The following DNAH11 variants were observed in gnomAD, a reference collection of about 807,000 sequenced individuals.
The protein encoded by DNAH11 is dynein axonemal heavy chain 11, also known as axonemal beta dynein heavy chain 11.
Under a neutral mutation model 526.0 loss-of-function variants are expected in DNAH11, and 442 were observed. That is an observed-to-expected ratio of 0.84 (90% CI 0.78 to 0.91). The LOEUF (loss-of-function observed/expected upper bound fraction) is 0.91, where lower values mean the gene tolerates loss of function less well. Among genes scored for constraint, DNAH11 ranks in the 40% least tolerant of loss-of-function variants. The probability of loss-of-function intolerance (pLI) is 0.00; values close to 1 mark genes in which losing one functional copy is unlikely to be tolerated. For missense variants in DNAH11, 6,989 were observed against 5,448.7 expected (o/e 1.28, Z -8.90); for synonymous variants, 2,461 against 1,935.9 (o/e 1.27, Z -7.12).
In DNAH11 at chr7:21,588,555, C is replaced by A; in HGVS notation, c.1892C>A (p.Thr631Asn). The change falls in exon 11 of 82, where the codon ACC becomes AAC. Residue 631 changes from threonine (T) to asparagine (N), a missense_variant. Transcript: ENST00000409508. ...HVVLNKNMPF[T>N]SGNMKWAQQV... ...GTTCTTAACAAGAACATGCCATTTA[C>A]CTCAGGAAATATGAAATGGGCCCAG... 6.2e-7 allele frequency: 1 copy of A among 1,613,562 alleles called. No homozygotes were observed. The highest frequency in any genetic ancestry group is 8.5e-7 in the Non-Finnish European group (1 of 1,179,546).
intron 6 of DNAH11, 39 bp from the exon 7 acceptor site, chr7:21,570,030 A>T (rs753366837): frequency 6.9e-7 from 1 of 1,459,050 alleles, no homozygotes; most frequent in Middle Eastern, 1.8e-4. Context: ...AAACTGTTAA[A>T]CATAGTTTTG....
At chr7:21,632,291 G>A (rs377114442) in intron 25 of DNAH11, among the ~76,000 whole-genome samples, 7 of 152,312 alleles carry the variant, frequency 4.6e-5, no homozygotes, top group African/African-American at 1.7e-4. Flanking sequence ...GGTCTCTGAT[G>A]CCTTGGATAC....
chr7:21,811,203 G>A (rs35501019), intron 63 of DNAH11, among the ~76,000 whole-genome samples: 23,168 of 151,940 alleles, frequency 0.15, 1,849 homozygotes, highest in African/African-American at 0.2. Context: ...TGGCTAATGC[G>A]TGTAATCCCA....
intron 50 of DNAH11, 46 bp from the exon 51 acceptor site, chr7:21,744,824 C>A: frequency 6.4e-7 from 1 of 1,566,698 alleles, no homozygotes; most frequent in East Asian, 2.3e-5. Flanking sequence ...AGCTGGACCT[C>A]TATGGATGGT....
chr7:21,620,220 C>T, intron 25 of DNAH11, 142 bp downstream of exon 25: 1 of 740,020 alleles, frequency 1.4e-6, no homozygotes, highest in Non-Finnish European at 2.0e-6. Context: ...ATCTCATACA[C>T]TTAACATTTT....
chr7:21,894,228 G>A (rs1784427791), intron 77 of DNAH11, among the ~76,000 whole-genome samples: 1 of 152,190 alleles, frequency 6.6e-6, no homozygotes, highest in South Asian at 2.1e-4. Flanking sequence ...TTTTAATTTA[G>A]CAGATTATAA....
chr7:21,685,294 G>A (rs986943499), intron 32 of DNAH11, among the ~76,000 whole-genome samples: 3 of 152,172 alleles, frequency 2.0e-5, no homozygotes, highest in Admixed American at 6.5e-5. Flanking sequence ...CAATAGAGAA[G>A]GAGGAAAGGG....
intron 22 of DNAH11, among the ~76,000 whole-genome samples, chr7:21,617,202 C>A (rs759587682): frequency 6.6e-6 from 1 of 152,172 alleles, no homozygotes; most frequent in Non-Finnish European, 1.5e-5. Context: ...AAGAAACAGG[C>A]ACTCAAAGGT....
intron 20 of DNAH11, 128 bp from the exon 21 acceptor site, chr7:21,614,986 C>T (rs965121151): frequency 7.2e-6 from 8 of 1,117,386 alleles, no homozygotes; most frequent in South Asian, 6.9e-5. Flanking sequence ...AGTAATTACG[C>T]TGCAGATTTA....
In DNAH11 at chr7:21,585,606, G is replaced by T. The variant is rs139403030; in HGVS notation, c.1711-2458G>T. The stretch of plus-strand genomic sequence containing the variant: ...AACCAAAACCAAATACTACTGAATG[G>T]CTCTCTAAAATTTACATGAAGGTAA... On this transcript the variant is annotated intron_variant, in intron 9 of 81. Transcript: ENST00000409508. Among the ~76,000 whole-genome samples, 202 of 152,226 alleles carry T rather than the reference G, an allele frequency of 1.3e-3. 1 individual carries two copies. Among genetic ancestry groups the T allele is most frequent in the African/African-American group, 4.6e-3 (190 of 41,534 alleles).
At chr7:21,604,833 G>A (rs73682650) in intron 18 of DNAH11, among the ~76,000 whole-genome samples, 182 of 152,262 alleles carry the variant, frequency 1.2e-3, no homozygotes, top group African/African-American at 4.0e-3. Context: ...GAATACTTAG[G>A]TTCCATGGAA....
intron 30 of DNAH11, among the ~76,000 whole-genome samples, chr7:21,671,063 T>C (rs1038384857): frequency 5.9e-5 from 9 of 152,214 alleles, no homozygotes; most frequent in African/African-American, 2.2e-4. Context: ...ATCTATTTTG[T>C]GAAAGAGCTT....
intron 15 of DNAH11, 64 bp from the exon 16 acceptor site, chr7:21,600,612 T>C: frequency 6.7e-7 from 1 of 1,484,758 alleles, no homozygotes; most frequent in Admixed American, 2.2e-5. Context: ...TAATGTTATG[T>C]TGTAGATAAT....
rs4722067 is a variant in DNAH11 at position 21,861,948 on chromosome 7, T to C, written c.11298T>C (p.His3766=). 0.78 allele frequency: 1,257,447 copies of C among 1,613,306 alleles called. 496,202 individuals carry two copies. The highest frequency in any genetic ancestry group is 0.82 in the Non-Finnish European group (965,808 of 1,179,702). ...CTATCCTGATGGAGAGCATCACCCA[T>C]GCTGTCTTCCTCTACACCAGCCAGG... ...RISILMESIT[H]AVFLYTSQAL... The change falls in exon 69 of 82, where the codon CAT becomes CAC. Residue 3766 remains histidine (H), a synonymous_variant. Coordinates refer to ENST00000409508, the MANE Select transcript of DNAH11 (RefSeq NM_001277115.2).
At chr7:21,637,209 TCTTTCTCC>T (rs1786903537) in intron 26 of DNAH11, among the ~76,000 whole-genome samples, 1 of 151,958 alleles carries the variant, frequency 6.6e-6, no homozygotes, top group African/African-American at 2.4e-5. Context: ...TCCCTTCCTC[TCTTTCTCC>T]CTTTCTCTCT....
chr7:21,748,836 T>C, intron 52 of DNAH11, 94 bp downstream of exon 52: 1 of 1,364,454 alleles, frequency 7.3e-7, no homozygotes, highest in South Asian at 1.9e-5. Flanking sequence ...GACTCCCAGA[T>C]TTGGCCAAGG....
chr7:21,833,170 A>G (rs1185900866), intron 65 of DNAH11, among the ~76,000 whole-genome samples: 1 of 152,192 alleles, frequency 6.6e-6, no homozygotes, highest in Non-Finnish European at 1.5e-5. Context: ...TATTTGTTTA[A>G]TTTTTAATTA....
chr7:21,583,657 T>C (rs1352247870), intron 9 of DNAH11, among the ~76,000 whole-genome samples: 1 of 152,072 alleles, frequency 6.6e-6, no homozygotes, highest in Non-Finnish European at 1.5e-5. Context: ...ACCTACAGAA[T>C]GGGAGAATAT....
chr7:21,639,575 T>C (rs1165654923), intron 28 of DNAH11, among the ~76,000 whole-genome samples: 1 of 152,210 alleles, frequency 6.6e-6, no homozygotes, highest in Non-Finnish European at 1.5e-5. Context: ...TCTGCAAAAA[T>C]AATGCATCAC....
Sources: gnomAD v4.1 joint callset for allele counts (sites outside exome capture counted in the v4.1 genomes callset) on GRCh38, gnomAD v4.1.1 for gene constraint, MANE v1.5 for transcripts, NCBI Gene and HGNC (gene_info 2026-07-23, HGNC 2026-07-21) for gene names.